NECAB1: variants seen among roughly 807,000 people sequenced by gnomAD.
NECAB1 encodes the protein N-terminal EF-hand calcium-binding protein 1.
NECAB1 carries 29 observed loss-of-function variants against 57.5 expected under a neutral mutation model. The observed-to-expected ratio is 0.50, with a 90% CI of 0.38 to 0.69. The LOEUF (loss-of-function observed/expected upper bound fraction) is 0.69, where lower values mean the gene tolerates loss of function less well. NECAB1 is among the 30% of genes least tolerant of loss of function. The pLI is 0.00. For synonymous variants in NECAB1, 142 were observed against 147.7 expected (o/e 0.96, Z 0.28); for missense variants, 372 against 413.8 (o/e 0.90, Z 0.88).
intron 5 of NECAB1, among the ~76,000 whole-genome samples, chr8:90,890,173 C>T (rs1004911754): frequency 6.6e-6 from 1 of 152,138 alleles, no homozygotes; most frequent in African/African-American, 2.4e-5. Context: ...CCCTACAATC[C>T]CCATAATCCC....
intron 2 of NECAB1, among the ~76,000 whole-genome samples, chr8:90,822,348 G>T (rs1308101314): frequency 6.6e-6 from 1 of 151,634 alleles, no homozygotes; most frequent in African/African-American, 2.4e-5. Flanking sequence ...TAACATTAAG[G>T]CTCTAGTCTA....
intron 3 of NECAB1, among the ~76,000 whole-genome samples, chr8:90,867,247 C>CCT (rs1808535553): frequency 6.6e-6 from 1 of 152,132 alleles, no homozygotes; most frequent in South Asian, 2.1e-4. Context: ...ATGATATATT[C>CCT]CAAGTAATTC....
At chr8:90,806,364 T>G (rs1811847588) in intron 2 of NECAB1, 1 of 152,228 alleles carries the variant, frequency 6.6e-6, no homozygotes, top group South Asian at 2.1e-4. Context: ...AAATGCCTGC[T>G]GCAACACAGA....
chr8:90,928,178 G>A, intron 7 of NECAB1, 45 bp from the exon 8 acceptor site: 1 of 1,414,724 alleles, frequency 7.1e-7, no homozygotes, highest in Non-Finnish European at 9.9e-7. Context: ...TTTCTTCTCT[G>A]TCTAAAGTTT....
chr8:90,848,708 A>C (rs1409052860), intron 3 of NECAB1, among the ~76,000 whole-genome samples: 3 of 152,150 alleles, frequency 2.0e-5, no homozygotes, highest in African/African-American at 7.2e-5. Flanking sequence ...GATCAGTCCA[A>C]GTGCAATGGC....
intron 3 of NECAB1, among the ~76,000 whole-genome samples, chr8:90,852,857 A>G (rs1487932169): frequency 5.3e-5 from 8 of 152,100 alleles, no homozygotes; most frequent in African/African-American, 1.4e-4. Context: ...CATTCGTGCA[A>G]CCTCATTTTT....
chr8:90,893,766 T>G (rs1809251264), intron 5 of NECAB1, among the ~76,000 whole-genome samples: 1 of 152,144 alleles, frequency 6.6e-6, no homozygotes. Flanking sequence ...AATTTATGGC[T>G]AGCTGGGGAG....
chr8:90,953,446 A>G (rs929268562), intron 12 of NECAB1, among the ~76,000 whole-genome samples: 2 of 152,232 alleles, frequency 1.3e-5, no homozygotes, highest in African/African-American at 4.8e-5. Context: ...TCCAGGCTCA[A>G]TACAATTTAA....
chr8:90,826,905 C>A (rs1237921718), intron 3 of NECAB1, among the ~76,000 whole-genome samples: 1 of 151,826 alleles, frequency 6.6e-6, no homozygotes, highest in Non-Finnish European at 1.5e-5. Flanking sequence ...CTACCAGTTT[C>A]TCTCATATGC....
chr8:90,892,899 A>G (rs1809221178), intron 5 of NECAB1, among the ~76,000 whole-genome samples: 1 of 152,088 alleles, frequency 6.6e-6, no homozygotes, highest in Non-Finnish European at 1.5e-5. Flanking sequence ...ACACAGGCCC[A>G]CCCAAATCTG....
At chr8:90,902,313 G>A (rs1267397331) in intron 5 of NECAB1, among the ~76,000 whole-genome samples, 1 of 152,114 alleles carries the variant, frequency 6.6e-6, no homozygotes, top group Non-Finnish European at 1.5e-5. Context: ...CCAACTATTC[G>A]GGTGGCTGAG....
At chr8:90,908,022 G>A (rs781282684) in intron 5 of NECAB1, among the ~76,000 whole-genome samples, 4 of 152,118 alleles carry the variant, frequency 2.6e-5, no homozygotes, top group East Asian at 1.9e-4. Flanking sequence ...AGGATAATTC[G>A]CCTTTGAAAG....
chr8:90,873,882 A>G (rs1458466905), intron 4 of NECAB1, among the ~76,000 whole-genome samples: 1 of 104,984 alleles, frequency 9.5e-6, no homozygotes, highest in Non-Finnish European at 1.6e-5. Context: ...TTTTTCTATA[A>G]TGGAACTAGT....
At position 90,959,059 on chromosome 8, in the gene NECAB1, T is replaced by C; in HGVS notation, c.*3547T>C. 1 of 1,095,806 alleles carries C rather than the reference T, an allele frequency of 9.1e-7. No individual in the cohort carries two copies. Among genetic ancestry groups the C allele is most frequent in the African/African-American group, 1.6e-5 (1 of 62,468 alleles). The allele number at this position is 1,095,806 out of a possible 1,614,324, so 67.9% of individuals were successfully genotyped here. Reference sequence around the variant, plus strand: ...TAATATAAAAGAAAAAGTTAATTTATCAATTGATTGAATACAGTTTTTACT... The same window carrying C: ...TAATATAAAAGAAAAAGTTAATTTACCAATTGATTGAATACAGTTTTTACT... On this transcript the variant is annotated 3_prime_UTR_variant, in exon 13 of 13. Transcript: ENST00000417640.
intron 5 of NECAB1, among the ~76,000 whole-genome samples, chr8:90,906,074 T>C (rs1318732775): frequency 6.6e-6 from 1 of 152,170 alleles, no homozygotes; most frequent in Non-Finnish European, 1.5e-5. Context: ...TATGTGCGGG[T>C]AGATTGGCAT....
intron 12 of NECAB1, among the ~76,000 whole-genome samples, chr8:90,955,108 T>TA (rs1811002577): frequency 8.2e-5 from 6 of 73,492 alleles, no homozygotes; most frequent in South Asian, 8.2e-4. Flanking sequence ...ATTGGGTATA[T>TA]AAATTATATA....
At chr8:90,835,797 T>G (rs1480552396) in intron 3 of NECAB1, among the ~76,000 whole-genome samples, 1 of 152,198 alleles carries the variant, frequency 6.6e-6, no homozygotes, top group Non-Finnish European at 1.5e-5. Flanking sequence ...CTGTAATACA[T>G]TCAATAAGTG....
intron 2 of NECAB1, chr8:90,806,730 C>T (rs1448843584): frequency 6.6e-6 from 1 of 152,214 alleles, no homozygotes; most frequent in African/African-American, 2.4e-5. Context: ...GTTTCCGCAT[C>T]TGCAAAGGAA....
At chr8:90,807,338 C>A (rs184119475) in intron 2 of NECAB1, among the ~76,000 whole-genome samples, 2 of 152,152 alleles carry the variant, frequency 1.3e-5, no homozygotes, top group African/African-American at 4.8e-5. Flanking sequence ...AATAGTCTTT[C>A]CAAACCGGTC....
Sources: gnomAD v4.1 joint callset for allele counts (sites outside exome capture counted in the v4.1 genomes callset) on GRCh38, gnomAD v4.1.1 for gene constraint, MANE v1.5 for transcripts, NCBI Gene and HGNC (gene_info 2026-07-23, HGNC 2026-07-21) for gene names.